PLCL2: variants seen among roughly 807,000 people sequenced by gnomAD.
PLCL2 encodes phospholipase C like 2, also known as inactive phospholipase C-like protein 2.
In PLCL2, 4 loss-of-function variants were observed where a neutral mutation model predicts 79.6. That is an observed-to-expected ratio of 0.05 (90% CI 0.02 to 0.11). The LOEUF is 0.11. PLCL2 is among the 10% of genes least tolerant of loss of function. PLCL2 has a pLI of 1.00. For missense variants in PLCL2, 895 were observed against 1,291.0 expected, an observed-to-expected ratio of 0.69 and a Z score of 4.70; for synonymous variants, 484 against 457.7, an observed-to-expected ratio of 1.06 and a Z score of -0.73.
intron 1 of PLCL2, among the ~76,000 whole-genome samples, chr3:16,981,713 T>C (rs1211467404): frequency 6.6e-6 from 1 of 152,242 alleles, no homozygotes; most frequent in Admixed American, 6.5e-5. Context: ...ACAGTGCTGT[T>C]TATACAAGAA....
At chr3:17,075,575 G>T (rs548832184) in intron 5 of PLCL2, among the ~76,000 whole-genome samples, 2 of 148,552 alleles carry the variant, frequency 1.3e-5, no homozygotes, top group African/African-American at 4.9e-5. Flanking sequence ...TGCAGTATCT[G>T]TGAAGTGTGA....
chr3:17,021,223 T>C (rs560975969), intron 3 of PLCL2, among the ~76,000 whole-genome samples: 15 of 152,248 alleles, frequency 9.9e-5, no homozygotes, highest in Admixed American at 6.5e-4. Context: ...TACAGAGTGA[T>C]GATTTGAAAC....
chr3:16,992,852 G>T (rs572823054), intron 1 of PLCL2, among the ~76,000 whole-genome samples: 12 of 152,310 alleles, frequency 7.9e-5, no homozygotes, highest in African/African-American at 2.9e-4. Context: ...TAAGGATTCA[G>T]CCACCATGCC....
chr3:16,913,774 AT>A (rs1696933470), intron 1 of PLCL2, among the ~76,000 whole-genome samples: 1 of 152,186 alleles, frequency 6.6e-6, no homozygotes, highest in African/African-American at 2.4e-5. Flanking sequence ...AAAGATCTTC[AT>A]AATAATTTTG....
intron 4 of PLCL2, among the ~76,000 whole-genome samples, chr3:17,054,213 C>T (rs1320604445): frequency 6.6e-6 from 1 of 152,126 alleles, no homozygotes; most frequent in Non-Finnish European, 1.5e-5. Flanking sequence ...AGCAGGGATA[C>T]AGTGCAGCCA....
At chr3:16,982,700 T>C (rs1055817766) in intron 1 of PLCL2, among the ~76,000 whole-genome samples, 2 of 152,196 alleles carry the variant, frequency 1.3e-5, no homozygotes, top group African/African-American at 2.4e-5. Flanking sequence ...TTAAACAGCA[T>C]TGACCGCTCC....
intron 1 of PLCL2, among the ~76,000 whole-genome samples, chr3:16,997,977 T>A (rs1055483487): frequency 5.9e-5 from 9 of 152,362 alleles, no homozygotes; most frequent in Non-Finnish European, 1.3e-4. Context: ...TTCTCCTTAA[T>A]TTTAAAATAA....
At chr3:17,026,857 A>T (rs1380925604) in intron 3 of PLCL2, among the ~76,000 whole-genome samples, 1 of 152,100 alleles carries the variant, frequency 6.6e-6, no homozygotes, top group East Asian at 1.9e-4. Flanking sequence ...ACAGACTGAG[A>T]CCCTGTCTCA....
At chr3:16,925,123 C>T (rs1303078327) in intron 1 of PLCL2, among the ~76,000 whole-genome samples, 1 of 151,992 alleles carries the variant, frequency 6.6e-6, no homozygotes, top group Non-Finnish European at 1.5e-5. Context: ...CAGGGTTTCA[C>T]CATGTTAGCC....
intron 1 of PLCL2, among the ~76,000 whole-genome samples, chr3:16,996,624 G>A (rs943171816): frequency 8.6e-5 from 13 of 151,878 alleles, no homozygotes; most frequent in Middle Eastern, 3.2e-3. Flanking sequence ...GGTTTTACAG[G>A]AATTTGAGGA....
At chr3:16,926,918 C>T (rs143335681) in intron 1 of PLCL2, among the ~76,000 whole-genome samples, 1,878 of 152,094 alleles carry the variant, frequency 0.012, 30 homozygotes, top group African/African-American at 0.041. Flanking sequence ...TGTAAGCCAC[C>T]GCGCCCGGCC....
intron 1 of PLCL2, among the ~76,000 whole-genome samples, chr3:16,958,022 A>G (rs916476685): frequency 6.6e-6 from 1 of 152,160 alleles, no homozygotes; most frequent in African/African-American, 2.4e-5. Flanking sequence ...CATGCAGTCC[A>G]TTTACATTTA....
rs116323410 is a variant in PLCL2 at position 16,963,481 on chromosome 3, A to C, written c.328-46193A>C. ...ATTCATGAATAGATATTATAAAATC[A>C]AATAATAAAATTGCATGTTCTGATC... On this transcript the variant is annotated intron_variant, in intron 1 of 5. Transcript: ENST00000615277. 6.4e-3 allele frequency among the ~76,000 whole-genome samples: 975 copies of C among 152,302 alleles called. 12 individuals are homozygous for C. Among genetic ancestry groups the C allele is most frequent in the African/African-American group, 0.022 (934 of 41,580 alleles).
chr3:17,079,158 C>T (rs181242196), intron 5 of PLCL2, among the ~76,000 whole-genome samples: 127 of 152,280 alleles, frequency 8.3e-4, no homozygotes, highest in African/African-American at 2.8e-3. Context: ...AGGGCTCTCA[C>T]GCCCATGGCC....
chr3:16,890,741 G>A (rs1198905401), intron 1 of PLCL2, among the ~76,000 whole-genome samples: 1 of 152,178 alleles, frequency 6.6e-6, no homozygotes, highest in Non-Finnish European at 1.5e-5. Flanking sequence ...GCTGCCTGCT[G>A]AGCTTTTTTC....
At chr3:16,885,498 G>A in intron 1 of PLCL2, 132 bp downstream of exon 1, 1 of 483,082 alleles carries the variant, frequency 2.1e-6, no homozygotes, top group Non-Finnish European at 3.7e-6. Flanking sequence ...GCTTGGGGTG[G>A]TTGAGCGGGG....
At chr3:16,998,665 A>G (rs748166891) in intron 1 of PLCL2, among the ~76,000 whole-genome samples, 1 of 152,238 alleles carries the variant, frequency 6.6e-6, no homozygotes, top group African/African-American at 2.4e-5. Context: ...CTGGACACAG[A>G]TGTAGACTGT....
At chr3:17,030,610 T>C (rs1311563587) in intron 3 of PLCL2, among the ~76,000 whole-genome samples, 1 of 152,192 alleles carries the variant, frequency 6.6e-6, no homozygotes, top group African/African-American at 2.4e-5. Context: ...ACATGTGAGT[T>C]ATGTGGTCAA....
chr3:16,976,997 T>C (rs1165679458), intron 1 of PLCL2, among the ~76,000 whole-genome samples: 7 of 152,196 alleles, frequency 4.6e-5, no homozygotes, highest in Non-Finnish European at 1.0e-4. Context: ...GTAGTCCATG[T>C]TGTCTAGTAC....
Sources: allele counts gnomAD v4.1 joint callset (sites outside exome capture counted in the v4.1 genomes callset), GRCh38; gene constraint gnomAD v4.1.1; transcripts MANE v1.5; gene names NCBI Gene and HGNC (gene_info 2026-07-23, HGNC 2026-07-21).